Variants in MAST4 observed in about 807,000 individuals in gnomAD.
The protein encoded by MAST4 is microtubule-associated serine/threonine-protein kinase 4.
MAST4 carries 89 observed loss-of-function variants against 162.7 expected under a neutral mutation model. The observed-to-expected ratio is 0.55, with a 90% confidence interval of 0.46 to 0.65. The LOEUF (loss-of-function observed/expected upper bound fraction) is 0.65, where lower values mean the gene tolerates loss of function less well. Among genes scored for constraint, MAST4 ranks in the 30% least tolerant of loss-of-function variants. The pLI, the probability that MAST4 is intolerant of heterozygous loss-of-function variation, is 0.00. For missense variants in MAST4, 3,153 were observed against 3,374.0 expected (o/e 0.93, Z 1.62); for synonymous variants, 1,479 against 1,361.1 (o/e 1.09, Z -1.91).
At chr5:67,063,160 C>CT (rs112267391) in intron 5 of MAST4, among the ~76,000 whole-genome samples, 1,665 of 146,220 alleles carry the variant, frequency 0.011, 29 homozygotes, top group African/African-American at 0.031. Context: ...GCTGTACTCA[C>CT]TTTTTTTTTT....
chr5:66,644,744 G>A (rs746478386), intron 1 of MAST4, among the ~76,000 whole-genome samples: 16 of 137,668 alleles, frequency 1.2e-4, no homozygotes, highest in Non-Finnish European at 1.6e-4. Flanking sequence ...TACATTTGAA[G>A]TAGTTTTTTT....
intron 1 of MAST4, among the ~76,000 whole-genome samples, chr5:66,641,283 CTGGGACTA>C (rs1653982555): frequency 6.6e-6 from 1 of 152,088 alleles, no homozygotes; most frequent in African/African-American, 2.4e-5. Context: ...TCCTGAGTAG[CTGGGACTA>C]TGGGAATGTG....
At chr5:66,716,012 A>T (rs927789779) in intron 1 of MAST4, among the ~76,000 whole-genome samples, 1 of 152,150 alleles carries the variant, frequency 6.6e-6, no homozygotes, top group Admixed American at 6.5e-5. Context: ...AATACATTTT[A>T]ATTTTCATAA....
At chr5:66,701,195 A>C (rs1189246686) in intron 1 of MAST4, among the ~76,000 whole-genome samples, 1 of 152,242 alleles carries the variant, frequency 6.6e-6, no homozygotes, top group Non-Finnish European at 1.5e-5. Context: ...AAGTGACCAA[A>C]ACTTGGCTGT....
At chr5:67,014,269 C>G (rs754547090) in intron 4 of MAST4, among the ~76,000 whole-genome samples, 2 of 152,178 alleles carry the variant, frequency 1.3e-5, no homozygotes, top group Non-Finnish European at 2.9e-5. Flanking sequence ...AATTGATAGG[C>G]ACATCAGTTG....
rs752653445 is a variant in MAST4 at position 67,162,771 on chromosome 5, C to A, written c.3950C>A (p.Thr1317Asn). ...PRSPTPSYRS[T>N]PDFPSGTNSS... ...TCTCCAACACCAAGCTACCGCTCCA[C>A]CCCTGACTTCCCATCTGGTGAGTGA... The change falls in exon 28 of 29, where the codon ACC becomes AAC. Residue 1317 changes from threonine to asparagine, a missense_variant. By Grantham distance (65) the Thr-to-Asn change is moderately conservative (BLOSUM62 0). This residue lies in a region of MAST4 where 619 missense variants were observed against 744.2 expected (regional missense o/e 0.83). Coordinates refer to ENST00000403625, the MANE Select transcript of MAST4 (RefSeq NM_001164664.2). The A allele has an allele frequency of 1.2e-6, 2 of 1,613,838 alleles. No homozygotes were observed. Among genetic ancestry groups the A allele is most frequent in the East Asian group, 4.5e-5 (2 of 44,876 alleles).
At chr5:66,940,315 C>T (rs1743224284) in intron 4 of MAST4, among the ~76,000 whole-genome samples, 1 of 152,064 alleles carries the variant, frequency 6.6e-6, no homozygotes, top group African/African-American at 2.4e-5. Context: ...ATGAGGTTGC[C>T]ACAGCAGTGG....
intron 1 of MAST4, among the ~76,000 whole-genome samples, chr5:66,670,749 G>A (rs2149472639): frequency 7.4e-6 from 1 of 135,560 alleles, no homozygotes; most frequent in Non-Finnish European, 1.6e-5. Context: ...GAGAAAGTAA[G>A]CATGATTTTT....
At chr5:66,873,118 T>C (rs186668113) in intron 3 of MAST4, among the ~76,000 whole-genome samples, 166 of 152,302 alleles carry the variant, frequency 1.1e-3, no homozygotes, top group African/African-American at 3.8e-3. Context: ...AGAGAAGATG[T>C]CTGTTGCCTT....
intron 4 of MAST4, among the ~76,000 whole-genome samples, chr5:66,929,085 C>G (rs1185733183): frequency 6.6e-6 from 1 of 152,146 alleles, no homozygotes; most frequent in Non-Finnish European, 1.5e-5. Context: ...CTACAACAAG[C>G]TGTCTACAAG....
intron 1 of MAST4, among the ~76,000 whole-genome samples, chr5:66,681,468 G>C (rs932087715): frequency 1.3e-5 from 2 of 152,194 alleles, no homozygotes; most frequent in African/African-American, 4.8e-5. Flanking sequence ...CTACTCCAGA[G>C]TGACTGAGTC....
chr5:66,848,603 T>C (rs1375478152), intron 3 of MAST4, among the ~76,000 whole-genome samples: 1 of 152,266 alleles, frequency 6.6e-6, no homozygotes, highest in Non-Finnish European at 1.5e-5. Context: ...TATTGCCTTT[T>C]ATCACTTGTG....
intron 5 of MAST4, among the ~76,000 whole-genome samples, chr5:67,061,220 C>T (rs552301006): frequency 4.6e-5 from 7 of 152,086 alleles, no homozygotes; most frequent in Non-Finnish European, 7.4e-5. Flanking sequence ...AACTTTTGTT[C>T]CCCCCTTATC....
At chr5:66,762,047 C>G (rs147307863) in intron 2 of MAST4, among the ~76,000 whole-genome samples, 293 of 152,238 alleles carry the variant, frequency 1.9e-3, no homozygotes, top group Admixed American at 3.6e-3. Flanking sequence ...TAAAATAATG[C>G]AAGGGTATGG....
At chr5:66,908,151 T>A (rs1364527343) in intron 4 of MAST4, among the ~76,000 whole-genome samples, 1 of 152,242 alleles carries the variant, frequency 6.6e-6, no homozygotes, top group East Asian at 1.9e-4. Flanking sequence ...TGTGGAAGAA[T>A]GTCAATTGCA....
intron 4 of MAST4, among the ~76,000 whole-genome samples, chr5:66,981,579 T>C (rs1413902065): frequency 6.6e-6 from 1 of 152,250 alleles, no homozygotes; most frequent in Admixed American, 6.5e-5. Context: ...ATTGAATTTA[T>C]TTTGTCAGAA....
Position 67,166,481 on chromosome 5 carries a change from C to G in MAST4, c.7302C>G (p.Pro2434=). ...AGCCACCGACGGAGGCAGACAAGCC[C>G]AATGGCATGAAACGGTCCCCCTCAG... ...PQKPPTEADK[P]NGMKRSPSAT... The change falls in exon 29 of 29, where the codon CCC becomes CCG. Residue 2434 remains proline, a synonymous_variant. Coordinates refer to ENST00000403625, the MANE Select transcript of MAST4 (RefSeq NM_001164664.2). 1 of 1,604,356 alleles carries G rather than the reference C, an allele frequency of 6.2e-7. No homozygotes were observed. The highest frequency in any genetic ancestry group is 8.5e-7 in the Non-Finnish European group (1 of 1,175,398).
chr5:67,134,175 T>C (rs1376077825), intron 17 of MAST4, among the ~76,000 whole-genome samples: 2 of 152,182 alleles, frequency 1.3e-5, no homozygotes, highest in Non-Finnish European at 2.9e-5. Flanking sequence ...TCTCTGACAA[T>C]GACAAACTTA....
rs74716053 is a variant in MAST4 at position 66,915,599 on chromosome 5, T to C, written c.674+15617T>C. Reference sequence around the variant, plus strand: ...GATGAGTTTGTCAATTAATGTACTTTTCAGTACAAGTAATAGAAAACCTAA... The same window carrying C: ...GATGAGTTTGTCAATTAATGTACTTCTCAGTACAAGTAATAGAAAACCTAA... On this transcript the variant is annotated intron_variant, in intron 4 of 28. Coordinates refer to ENST00000403625, the MANE Select transcript of MAST4 (RefSeq NM_001164664.2). Among the ~76,000 whole-genome samples, 112 of 152,352 alleles carry C rather than the reference T, an allele frequency of 7.4e-4. No individual in the cohort carries two copies. The East Asian group carries it at 0.018, about 25-fold the overall frequency.
Sources: allele counts gnomAD v4.1 joint callset (sites outside exome capture counted in the v4.1 genomes callset), GRCh38; gene constraint gnomAD v4.1.1; regional missense constraint gnomAD v4.1.1; transcripts MANE v1.5; gene names NCBI Gene and HGNC (gene_info 2026-07-23, HGNC 2026-07-21).